NUFIP1: variants seen among roughly 807,000 people sequenced by gnomAD.
NUFIP1 encodes the protein FMR1-interacting protein NUFIP1.
NUFIP1 carries 38 observed loss-of-function variants against 56.2 expected under a neutral mutation model. That is an observed-to-expected ratio of 0.68 (90% CI 0.52 to 0.89). The LOEUF (loss-of-function observed/expected upper bound fraction) is 0.89. Ranked by LOEUF, NUFIP1 falls within the 40% of genes least tolerant of loss-of-function variation. The pLI is 0.00. For synonymous variants in NUFIP1, 215 were observed against 212.4 expected (o/e 1.01, Z -0.10); for missense variants, 567 against 605.8 (o/e 0.94, Z 0.67).
chr13:44,959,463 G>C lies in NUFIP1; in HGVS notation c.939C>G (p.Gly313=), dbSNP rs751731117. The part of the protein sequence containing the change: ...NSRQRAVTGS[G]SHLCDLKLEG... ...CTAGCTTCAAATCACACAAGTGACT[G>C]CCTGATCCAGTGACTGCTCTCTGTC... Residue 313 remains glycine, a synonymous_variant, in exon 7 of 10, where the codon GGC becomes GGG. Transcript: ENST00000379161. 36 of 1,613,988 alleles carry C rather than the reference G, an allele frequency of 2.2e-5. No individual in the cohort carries two copies. The highest frequency in any genetic ancestry group is 3.0e-5 in the Non-Finnish European group (35 of 1,180,006).
chr13:44,965,550 T>G (rs1057277211), intron 6 of NUFIP1, among the ~76,000 whole-genome samples: 5 of 151,986 alleles, frequency 3.3e-5, no homozygotes, highest in Non-Finnish European at 5.9e-5. Context: ...AAAAATTAGC[T>G]GGGCGTGGTG....
At chr13:44,947,207 C>A (rs1870927216) in intron 8 of NUFIP1, among the ~76,000 whole-genome samples, 1 of 149,142 alleles carries the variant, frequency 6.7e-6, no homozygotes, top group South Asian at 2.1e-4. Flanking sequence ...GTCAGGTCTG[C>A]TACATACCAG....
intron 1 of NUFIP1, among the ~76,000 whole-genome samples, chr13:44,982,942 AG>A (rs958441078): frequency 2.6e-5 from 4 of 152,188 alleles, no homozygotes; most frequent in Non-Finnish European, 4.4e-5. Context: ...CAGGAGTTTG[AG>A]GCTGCAGTAA....
rs374069350 is a variant in NUFIP1, at chr13:44,981,367, T to C, written c.496-547A>G. Among the ~76,000 whole-genome samples the C allele has an allele frequency of 2.0e-3, 311 of 152,188 alleles. 1 individual carries two copies. The highest frequency in any genetic ancestry group is 7.3e-3 in the African/African-American group (301 of 41,514). On this transcript the variant is annotated intron_variant, in intron 2 of 9. Coordinates refer to ENST00000379161, the MANE Select transcript of NUFIP1 (RefSeq NM_012345.3). The stretch of plus-strand genomic sequence containing the variant: ...GTATGTCAAGAAGGTATAAAATATA[T>C]GTGGACACCATTTCATTTCTATACT...
At chr13:44,958,634 A>G (rs961267157) in intron 7 of NUFIP1, among the ~76,000 whole-genome samples, 2 of 152,160 alleles carry the variant, frequency 1.3e-5, no homozygotes, top group Non-Finnish European at 2.9e-5. Context: ...CAAATCTACA[A>G]TGTCACTAAT....
intron 7 of NUFIP1, among the ~76,000 whole-genome samples, chr13:44,957,949 G>C (rs1383106954): frequency 6.6e-6 from 1 of 152,130 alleles, no homozygotes; most frequent in Non-Finnish European, 1.5e-5. Flanking sequence ...ATGGTCTTTT[G>C]TCATCAAGGC....
chr13:44,975,964 G>A (rs530689573), intron 5 of NUFIP1, among the ~76,000 whole-genome samples: 5 of 152,168 alleles, frequency 3.3e-5, no homozygotes, highest in Non-Finnish European at 5.9e-5. Context: ...CAAAGCTTCA[G>A]AAATTTAACT....
chr13:44,981,052 C>T (rs1019683999), intron 2 of NUFIP1, among the ~76,000 whole-genome samples: 4 of 151,622 alleles, frequency 2.6e-5, no homozygotes, highest in African/African-American at 9.7e-5. Flanking sequence ...TTTTTTAATC[C>T]AAATAGTGCT....
At chr13:44,983,529 G>A (rs1447333361) in intron 1 of NUFIP1, among the ~76,000 whole-genome samples, 2 of 152,042 alleles carry the variant, frequency 1.3e-5, no homozygotes, top group East Asian at 3.9e-4. Context: ...TGGCATGATG[G>A]CTCACATCTA....
At chr13:44,952,402 G>C (rs1273881679) in intron 7 of NUFIP1, among the ~76,000 whole-genome samples, 3 of 152,130 alleles carry the variant, frequency 2.0e-5, no homozygotes, top group Non-Finnish European at 4.4e-5. Flanking sequence ...TGGGATTACA[G>C]GCATGAGCCA....
chr13:44,980,681 AC>A (rs1375516284), intron 3 of NUFIP1, 40 bp downstream of exon 3: 2 of 1,266,348 alleles, frequency 1.6e-6, no homozygotes, highest in Non-Finnish European at 2.3e-6. Flanking sequence ...TAGAAGAAGC[AC>A]AATTGCTACA....
chr13:44,988,983 G>T, intron 1 of NUFIP1, 42 bp downstream of exon 1: 1 of 1,602,078 alleles, frequency 6.2e-7, no homozygotes. Context: ...AAGAACGGGG[G>T]AAAAAGGTAA....
At chr13:44,975,930 C>T (rs1321361511) in intron 5 of NUFIP1, among the ~76,000 whole-genome samples, 1 of 152,186 alleles carries the variant, frequency 6.6e-6, no homozygotes, top group African/African-American at 2.4e-5. Context: ...CACTTCAGAC[C>T]TTCCTTATAC....
At chr13:44,954,248 C>T (rs955554159) in intron 7 of NUFIP1, among the ~76,000 whole-genome samples, 15 of 152,124 alleles carry the variant, frequency 9.9e-5, no homozygotes, top group Non-Finnish European at 1.3e-4. Flanking sequence ...TTATAAAATA[C>T]GAGCTCAAAC....
intron 9 of NUFIP1, among the ~76,000 whole-genome samples, chr13:44,941,836 G>A (rs1471118222): frequency 6.6e-6 from 1 of 151,980 alleles, no homozygotes; most frequent in East Asian, 1.9e-4. Context: ...TTTTTAAACA[G>A]TACTAACGCT....
chr13:44,975,805 G>A (rs368454393), intron 5 of NUFIP1, among the ~76,000 whole-genome samples: 16 of 152,300 alleles, frequency 1.1e-4, no homozygotes, highest in African/African-American at 3.6e-4. Flanking sequence ...AGACATCGTA[G>A]AAAAGAGTAA....
intron 6 of NUFIP1, among the ~76,000 whole-genome samples, chr13:44,961,699 G>C (rs2137905980): frequency 6.6e-6 from 1 of 152,298 alleles, no homozygotes; most frequent in Non-Finnish European, 1.5e-5. Context: ...AAAGAAAACA[G>C]GTCTAGTTTC....
chr13:44,953,886 C>A (rs957346234), intron 7 of NUFIP1, among the ~76,000 whole-genome samples: 1 of 152,188 alleles, frequency 6.6e-6, no homozygotes, highest in African/African-American at 2.4e-5. Context: ...ATAAACAACT[C>A]TTTCCCTATT....
Position 44,939,787 on chromosome 13 carries a change from T to C in NUFIP1, c.*1419A>G, listed in dbSNP as rs1252170983. ...GGAAAATAAAACTGTTTCTATAATA[T>C]ACCTTAAGGCAGTGTGGGGATCAAC... On this transcript the variant is annotated 3_prime_UTR_variant, in exon 10 of 10. Coordinates refer to ENST00000379161, the MANE Select transcript of NUFIP1 (RefSeq NM_012345.3). 2 of 152,200 alleles carry C rather than the reference T, an allele frequency of 1.3e-5. No homozygotes were observed. Among genetic ancestry groups the C allele is most frequent in the African/African-American group, 4.8e-5 (2 of 41,454 alleles). 9.4% of individuals were successfully genotyped at this position (152,200 alleles called of 1,614,324 possible). A position where few individuals can be genotyped will look rare whatever the true frequency, so the allele number is the denominator to read the frequency against.
Sources: allele counts gnomAD v4.1 joint callset (sites outside exome capture counted in the v4.1 genomes callset), GRCh38; gene constraint gnomAD v4.1.1; transcripts MANE v1.5; gene names NCBI Gene and HGNC (gene_info 2026-07-23, HGNC 2026-07-21).